ARHGAP18: variants seen among roughly 807,000 people sequenced by gnomAD.
ARHGAP18 encodes rho GTPase-activating protein 18.
A neutral mutation model predicts 86.2 loss-of-function variants in ARHGAP18; 67 were observed. The observed-to-expected ratio is 0.78, with a 90% CI of 0.64 to 0.95. The LOEUF is 0.95. Ranked by LOEUF, ARHGAP18 falls within the 40% of genes least tolerant of loss-of-function variation. The pLI, the probability that ARHGAP18 is intolerant of heterozygous loss-of-function variation, is 0.00. For missense variants in ARHGAP18, 691 were observed against 780.4 expected (o/e 0.89, Z 1.37); for synonymous variants, 283 against 280.4 (o/e 1.01, Z -0.09).
intron 3 of ARHGAP18, among the ~76,000 whole-genome samples, chr6:129,636,829 A>T (rs1773342173): frequency 1.3e-5 from 2 of 152,242 alleles, no homozygotes; most frequent in Non-Finnish European, 2.9e-5. Context: ...GTGAGCCGAG[A>T]TTGCACTCAA....
At chr6:129,596,774 G>C (rs1788623021) in intron 12 of ARHGAP18, 1 of 152,168 alleles carries the variant, frequency 6.6e-6, no homozygotes, top group Non-Finnish European at 1.5e-5. Flanking sequence ...GAATGAAGGA[G>C]GGGGCATGGC....
At chr6:129,612,340 T>A (rs778140827) in intron 7 of ARHGAP18, among the ~76,000 whole-genome samples, 5 of 152,238 alleles carry the variant, frequency 3.3e-5, no homozygotes, top group Non-Finnish European at 7.3e-5. Flanking sequence ...ACAAAGGCCG[T>A]ATAAAACATA....
chr6:129,620,024 G>A (rs1323471355), intron 5 of ARHGAP18, among the ~76,000 whole-genome samples: 3 of 152,102 alleles, frequency 2.0e-5, no homozygotes, highest in South Asian at 2.1e-4. Flanking sequence ...GTGAGATTTA[G>A]TGCCCAGCAC....
intron 12 of ARHGAP18, among the ~76,000 whole-genome samples, chr6:129,592,973 C>T (rs1025061538): frequency 2.6e-5 from 4 of 152,070 alleles, no homozygotes; most frequent in Admixed American, 2.0e-4. Context: ...TCTTTCTACT[C>T]GTATGTGTTT....
At chr6:129,606,691 G>T (rs1788860234) in intron 9 of ARHGAP18, among the ~76,000 whole-genome samples, 1 of 151,964 alleles carries the variant, frequency 6.6e-6, no homozygotes, top group African/African-American at 2.4e-5. Flanking sequence ...ATTTAAAGAA[G>T]AAACATGTTA....
chr6:129,609,851 C>G (rs550538876), intron 8 of ARHGAP18, among the ~76,000 whole-genome samples: 1 of 151,896 alleles, frequency 6.6e-6, no homozygotes, highest in Non-Finnish European at 1.5e-5. Context: ...CCAAGGAGGC[C>G]GAAACTGGTG....
intron 5 of ARHGAP18, among the ~76,000 whole-genome samples, chr6:129,621,081 T>C (rs1403392843): frequency 1.3e-5 from 2 of 152,208 alleles, no homozygotes; most frequent in Admixed American, 6.5e-5. Context: ...ACTATAATAT[T>C]GTTATATTAA....
chr6:129,648,384 G>A (rs1312172347), intron 1 of ARHGAP18, among the ~76,000 whole-genome samples: 1 of 151,778 alleles, frequency 6.6e-6, no homozygotes, highest in Non-Finnish European at 1.5e-5. Flanking sequence ...GGCTGGTCTG[G>A]AACTCCTGGC....
chr6:129,682,043 T>C (rs1353964992), intron 1 of ARHGAP18, among the ~76,000 whole-genome samples: 2 of 152,232 alleles, frequency 1.3e-5, no homozygotes, highest in Non-Finnish European at 2.9e-5. Flanking sequence ...CAACACACTG[T>C]AATTACAGAA....
chr6:129,639,317 G>T (rs1467698539), intron 2 of ARHGAP18, among the ~76,000 whole-genome samples: 2 of 152,156 alleles, frequency 1.3e-5, no homozygotes. Flanking sequence ...TCTAATGAAA[G>T]TTATTTAAAA....
chr6:129,644,198 C>T (rs1366855054), intron 1 of ARHGAP18, among the ~76,000 whole-genome samples: 1 of 152,062 alleles, frequency 6.6e-6, no homozygotes, highest in Non-Finnish European at 1.5e-5. Flanking sequence ...TTCTTCATCC[C>T]TTAATTCAAG....
intron 8 of ARHGAP18, among the ~76,000 whole-genome samples, chr6:129,609,771 T>C (rs190677595): frequency 1.3e-5 from 2 of 151,938 alleles, no homozygotes; most frequent in Admixed American, 1.3e-4. Flanking sequence ...GGGACACAAG[T>C]GGAAAATTAT....
intron 1 of ARHGAP18, among the ~76,000 whole-genome samples, chr6:129,643,235 C>T (rs1300224080): frequency 6.6e-6 from 1 of 152,016 alleles, no homozygotes; most frequent in Non-Finnish European, 1.5e-5. Context: ...GGCTATGTCC[C>T]CACCCAAATC....
At chr6:129,683,926 G>GA (rs1191384833) in intron 1 of ARHGAP18, among the ~76,000 whole-genome samples, 3 of 152,164 alleles carry the variant, frequency 2.0e-5, no homozygotes, top group East Asian at 3.8e-4. Context: ...AATGGCTTTT[G>GA]AAAATGTGAA....
At chr6:129,691,152 GTA>G (rs1774521040) in intron 1 of ARHGAP18, among the ~76,000 whole-genome samples, 1 of 152,198 alleles carries the variant, frequency 6.6e-6, no homozygotes, top group Non-Finnish European at 1.5e-5. Flanking sequence ...GAAGCAGGTA[GTA>G]TGTTTATGGG....
intron 12 of ARHGAP18, among the ~76,000 whole-genome samples, chr6:129,589,989 G>A (rs1399532202): frequency 6.6e-6 from 1 of 152,164 alleles, no homozygotes; most frequent in African/African-American, 2.4e-5. Flanking sequence ...AGAGCAGGAA[G>A]CATCCAGCCA....
intron 1 of ARHGAP18, among the ~76,000 whole-genome samples, chr6:129,642,337 T>G (rs545850631): frequency 9.2e-5 from 14 of 152,276 alleles, no homozygotes; most frequent in African/African-American, 3.1e-4. Context: ...AAGGTTTGAG[T>G]GCACCAATGT....
chr6:129,655,865 A>G (rs1240799066), intron 1 of ARHGAP18, among the ~76,000 whole-genome samples: 1 of 152,262 alleles, frequency 6.6e-6, no homozygotes, highest in Non-Finnish European at 1.5e-5. Context: ...GATATTAATC[A>G]GAATTATGCA....
intron 1 of ARHGAP18, among the ~76,000 whole-genome samples, chr6:129,672,834 T>C (rs1774163569): frequency 6.6e-6 from 1 of 152,244 alleles, no homozygotes; most frequent in Non-Finnish European, 1.5e-5. Flanking sequence ...TCAGTAAAGC[T>C]TTCAAGACCT....
Sources: gnomAD v4.1 joint callset for allele counts (sites outside exome capture counted in the v4.1 genomes callset) on GRCh38, gnomAD v4.1.1 for gene constraint, MANE v1.5 for transcripts, NCBI Gene and HGNC (gene_info 2026-07-23, HGNC 2026-07-21) for gene names.